Variants in GREB1L observed in about 807,000 individuals in gnomAD.
The protein encoded by GREB1L is GREB1-like protein.
A neutral mutation model predicts 200.8 loss-of-function variants in GREB1L; 17 were observed. The observed-to-expected ratio is 0.08, with a 90% CI of 0.06 to 0.13. GREB1L has a LOEUF of 0.13. Among genes scored for constraint, GREB1L ranks in the 10% least tolerant of loss-of-function variants. The pLI is 1.00. For missense variants in GREB1L, 1,657 were observed against 2,367.7 expected, an observed-to-expected ratio of 0.70 and a Z score of 6.23; for synonymous variants, 789 against 893.0, an observed-to-expected ratio of 0.88 and a Z score of 2.08.
chr18:21,330,597 T>C (rs1223432755), intron 1 of GREB1L, among the ~76,000 whole-genome samples: 1 of 152,234 alleles, frequency 6.6e-6, no homozygotes, highest in African/African-American at 2.4e-5. Flanking sequence ...CTGCTCTGAC[T>C]CATTAGTCCC....
chr18:21,341,370 C>T (rs2039267064), intron 1 of GREB1L, among the ~76,000 whole-genome samples: 1 of 152,090 alleles, frequency 6.6e-6, no homozygotes, highest in African/African-American at 2.4e-5. Context: ...CATCTGCAAT[C>T]ATCTTGAAAT....
At chr18:21,481,359 T>C (rs2035905658) in intron 17 of GREB1L, among the ~76,000 whole-genome samples, 1 of 151,856 alleles carries the variant, frequency 6.6e-6, no homozygotes, top group South Asian at 2.1e-4. Flanking sequence ...AATATACACA[T>C]GGAGGCTGTG....
chr18:21,346,474 C>T lies in GREB1L; in HGVS notation c.-119-19553C>T, dbSNP rs146443767. Among the ~76,000 whole-genome samples the T allele has an allele frequency of 1.3e-4, 20 of 151,964 alleles. No homozygotes were observed. The East Asian group carries it at 3.7e-3, about 28-fold the overall frequency. ...AGCAATTGAGACCTGGGCTATATTTCCATCTTTCTTTCCTAACATGCCCTC... is the reference window on the plus strand; with the variant it reads ...AGCAATTGAGACCTGGGCTATATTTTCATCTTTCTTTCCTAACATGCCCTC... On this transcript the variant is annotated intron_variant, in intron 1 of 32. Transcript: ENST00000424526.
intron 1 of GREB1L, among the ~76,000 whole-genome samples, chr18:21,321,395 G>A (rs1376078182): frequency 6.6e-6 from 1 of 151,398 alleles, no homozygotes; most frequent in East Asian, 2.0e-4. Context: ...TTTAAAAAAT[G>A]AAGGATAGGC....
chr18:21,282,588 G>C (rs2038287247), intron 1 of GREB1L, among the ~76,000 whole-genome samples: 1 of 151,926 alleles, frequency 6.6e-6, no homozygotes, highest in Non-Finnish European at 1.5e-5. Context: ...AAAAGTAACT[G>C]TGGGTTTTAC....
At chr18:21,470,302 T>TA (rs1306986892) in intron 15 of GREB1L, among the ~76,000 whole-genome samples, 1 of 152,048 alleles carries the variant, frequency 6.6e-6, no homozygotes, top group East Asian at 1.9e-4. Flanking sequence ...AATTTTTTTT[T>TA]AAAAAAGGTA....
chr18:21,305,405 G>T (rs572364953), intron 1 of GREB1L, among the ~76,000 whole-genome samples: 1 of 152,090 alleles, frequency 6.6e-6, no homozygotes, highest in South Asian at 2.1e-4. Flanking sequence ...ATTCTTGCTT[G>T]TCTCCATTTC....
chr18:21,512,287 T>C lies in GREB1L; in HGVS notation c.4736-1534T>C, dbSNP rs533517200. On this transcript the variant is annotated intron_variant, in intron 27 of 32. Coordinates refer to ENST00000424526, the MANE Select transcript of GREB1L (RefSeq NM_001142966.3). ...TGGATCACTTTGGGTAGCACTGATA[T>C]CTAATATCAAGTCTTCCAATCCATA... is the stretch of plus-strand genomic sequence containing the variant. Among the ~76,000 whole-genome samples the C allele has an allele frequency of 5.3e-5, 8 of 152,344 alleles. No homozygotes were observed. In the South Asian group the frequency reaches 1.7e-3, roughly 32 times the overall value.
intron 7 of GREB1L, among the ~76,000 whole-genome samples, chr18:21,429,291 C>CCCTCT (rs911355646): frequency 1.2e-3 from 146 of 119,014 alleles, no homozygotes; most frequent in Middle Eastern, 4.7e-3. Flanking sequence ...TCCTCCCCTC[C>CCCTCT]CCTCTCCTCT....
chr18:21,456,628 CTGGTT>C (rs2034776251), intron 15 of GREB1L, among the ~76,000 whole-genome samples: 3 of 152,114 alleles, frequency 2.0e-5, no homozygotes, highest in Non-Finnish European at 1.5e-5. Flanking sequence ...TCCCAAGTGT[CTGGTT>C]GACAGTGCAG....
At chr18:21,428,450 G>C (rs1481783281) in intron 7 of GREB1L, among the ~76,000 whole-genome samples, 4 of 143,216 alleles carry the variant, frequency 2.8e-5, no homozygotes, top group African/African-American at 1.0e-4. Flanking sequence ...AATTTGTTGA[G>C]TGTTTTTGTC....
chr18:21,473,711 G>A (rs2035576967), intron 16 of GREB1L, among the ~76,000 whole-genome samples: 1 of 151,968 alleles, frequency 6.6e-6, no homozygotes, highest in Non-Finnish European at 1.5e-5. Flanking sequence ...TCGATTTCAT[G>A]TTGGTTTTAT....
chr18:21,373,337 C>G (rs1277219879), intron 2 of GREB1L, among the ~76,000 whole-genome samples: 1 of 152,012 alleles, frequency 6.6e-6, no homozygotes, highest in Non-Finnish European at 1.5e-5. Context: ...TTCTTTGCCC[C>G]CTGCCTCCTT....
intron 4 of GREB1L, among the ~76,000 whole-genome samples, chr18:21,393,700 A>G (rs1023097278): frequency 6.6e-6 from 1 of 152,092 alleles, no homozygotes; most frequent in Non-Finnish European, 1.5e-5. Flanking sequence ...AAGTGCTGAG[A>G]TTACAGGTGC....
intron 1 of GREB1L, among the ~76,000 whole-genome samples, chr18:21,258,169 T>C (rs941265218): frequency 6.6e-6 from 1 of 152,252 alleles, no homozygotes; most frequent in African/African-American, 2.4e-5. Context: ...GTTGCTGTTC[T>C]TGCTGAAGGT....
intron 1 of GREB1L, among the ~76,000 whole-genome samples, chr18:21,257,004 CAAAAAA>C (rs747739158): frequency 4.8e-5 from 3 of 62,108 alleles, no homozygotes; most frequent in South Asian, 6.1e-4. Flanking sequence ...GACTCCGTCT[CAAAAAA>C]AAAAAAAAAA....
intron 6 of GREB1L, chr18:21,401,952 T>C (rs572690875): frequency 3.1e-5 from 3 of 97,926 alleles, no homozygotes; most frequent in Non-Finnish European, 5.4e-5. Flanking sequence ...TCTTAGGTGC[T>C]GAGATTTTTT....
At chr18:21,302,800 C>A (rs1441972857) in intron 1 of GREB1L, among the ~76,000 whole-genome samples, 1 of 152,142 alleles carries the variant, frequency 6.6e-6, no homozygotes, top group East Asian at 1.9e-4. Context: ...CGGCTCACTG[C>A]AACCTCCCCC....
intron 1 of GREB1L, among the ~76,000 whole-genome samples, chr18:21,301,920 TG>T (rs2038623796): frequency 6.6e-6 from 1 of 152,286 alleles, no homozygotes; most frequent in Admixed American, 6.5e-5. Context: ...CACGAGGAAT[TG>T]GAAGGAGGTT....
Sources: allele counts gnomAD v4.1 joint callset (sites outside exome capture counted in the v4.1 genomes callset), GRCh38; gene constraint gnomAD v4.1.1; transcripts MANE v1.5; gene names NCBI Gene and HGNC (gene_info 2026-07-23, HGNC 2026-07-21).